Variants in MIPOL1 observed in about 807,000 individuals in gnomAD.
MIPOL1 encodes mirror-image polydactyly 1.
In MIPOL1, 57 loss-of-function variants were observed where a neutral mutation model predicts 60.9. That is an observed-to-expected ratio of 0.94 (90% CI 0.76 to 1.17). The LOEUF is 1.17. MIPOL1 is among the 50% of genes most tolerant of loss of function. MIPOL1 has a pLI of 0.00. For synonymous variants in MIPOL1, 179 were observed against 168.8 expected (o/e 1.06, Z -0.47); for missense variants, 551 against 511.6 (o/e 1.08, Z -0.74).
At chr14:37,263,186 T>C (rs576076302) in intron 3 of MIPOL1, among the ~76,000 whole-genome samples, 1 of 152,248 alleles carries the variant, frequency 6.6e-6, no homozygotes, top group Admixed American at 6.5e-5. Flanking sequence ...AATTGAGGGT[T>C]TAACAACAGC....
intron 1 of MIPOL1, among the ~76,000 whole-genome samples, chr14:37,207,106 T>TG (rs1338883411): frequency 6.6e-6 from 1 of 152,182 alleles, no homozygotes; most frequent in East Asian, 1.9e-4. Context: ...TGATATGGTT[T>TG]GGCTGTATTC....
chr14:37,426,775 C>T (rs1315043522), intron 11 of MIPOL1, among the ~76,000 whole-genome samples: 3 of 151,388 alleles, frequency 2.0e-5, no homozygotes, highest in African/African-American at 7.3e-5. Context: ...CAGTTCTGAG[C>T]ATGACCCAAA....
intron 11 of MIPOL1, among the ~76,000 whole-genome samples, chr14:37,436,810 G>A (rs1281996750): frequency 6.6e-6 from 1 of 152,142 alleles, no homozygotes; most frequent in Non-Finnish European, 1.5e-5. Flanking sequence ...CCTATAGTTA[G>A]GTATTTAAAT....
intron 11 of MIPOL1, among the ~76,000 whole-genome samples, chr14:37,472,301 G>T (rs2094699695): frequency 6.6e-6 from 1 of 152,104 alleles, no homozygotes; most frequent in South Asian, 2.1e-4. Context: ...AAGAACAATT[G>T]ATTATTTGCT....
chr14:37,407,256 A>T (rs759648331), intron 10 of MIPOL1, among the ~76,000 whole-genome samples: 1 of 152,124 alleles, frequency 6.6e-6, no homozygotes, highest in Non-Finnish European at 1.5e-5. Context: ...AGAGTAGTTA[A>T]TGCATAGATA....
chr14:37,392,228 GTCT>G (rs1462410257), intron 10 of MIPOL1, among the ~76,000 whole-genome samples: 2 of 50,760 alleles, frequency 3.9e-5, no homozygotes, highest in African/African-American at 1.3e-4. Context: ...AGTTATTTAG[GTCT>G]TCTTTGATTT....
intron 1 of MIPOL1, among the ~76,000 whole-genome samples, chr14:37,244,826 T>G (rs1451384809): frequency 1.3e-5 from 2 of 152,158 alleles, no homozygotes; most frequent in Non-Finnish European, 2.9e-5. Flanking sequence ...AATTAGTATT[T>G]TATTAGTCTT....
At chr14:37,354,177 T>A (rs900776326) in intron 9 of MIPOL1, among the ~76,000 whole-genome samples, 13 of 151,976 alleles carry the variant, frequency 8.6e-5, no homozygotes, top group African/African-American at 2.9e-4. Context: ...CAGTAGTCAT[T>A]CAGGAGCAGG....
chr14:37,361,501 T>A (rs528409181), intron 9 of MIPOL1, among the ~76,000 whole-genome samples: 2 of 152,192 alleles, frequency 1.3e-5, no homozygotes, highest in South Asian at 4.2e-4. Flanking sequence ...GCTTTATGAA[T>A]CTGGGTGTTC....
intron 11 of MIPOL1, among the ~76,000 whole-genome samples, chr14:37,448,799 G>C (rs975534200): frequency 6.6e-6 from 1 of 152,106 alleles, no homozygotes; most frequent in Non-Finnish European, 1.5e-5. Flanking sequence ...AAACAAAACA[G>C]AATCTCAAAT....
At chr14:37,473,247 C>T (rs1213317532) in intron 11 of MIPOL1, among the ~76,000 whole-genome samples, 1 of 152,150 alleles carries the variant, frequency 6.6e-6, no homozygotes, top group Admixed American at 6.6e-5. Flanking sequence ...CTTCCTTTCT[C>T]ACCATGTGAT....
intron 12 of MIPOL1, among the ~76,000 whole-genome samples, chr14:37,517,616 A>G (rs543910151): frequency 1.3e-5 from 2 of 152,318 alleles, no homozygotes; most frequent in African/African-American, 4.8e-5. Flanking sequence ...TGTTTTTAAT[A>G]GCAAATAAAA....
intron 10 of MIPOL1, among the ~76,000 whole-genome samples, chr14:37,383,475 C>T (rs963911627): frequency 1.3e-4 from 19 of 151,802 alleles, no homozygotes; most frequent in African/African-American, 4.1e-4. Flanking sequence ...AAGTCATGAT[C>T]ACAGCCATCA....
At chr14:37,292,127 G>T (rs1405073885) in intron 7 of MIPOL1, among the ~76,000 whole-genome samples, 3 of 151,482 alleles carry the variant, frequency 2.0e-5, no homozygotes, top group Admixed American at 6.6e-5. Flanking sequence ...GGGTTTCGCT[G>T]TATTAGCCAG....
intron 10 of MIPOL1, chr14:37,400,170 G>C: frequency 6.6e-6 from 1 of 152,174 alleles, no homozygotes; most frequent in Non-Finnish European, 1.5e-5. Context: ...CTTGGAGGCT[G>C]TTAAAGTATT....
chr14:37,251,258 G>A (rs1358151113), intron 3 of MIPOL1, among the ~76,000 whole-genome samples: 1 of 151,760 alleles, frequency 6.6e-6, no homozygotes, highest in Non-Finnish European at 1.5e-5. Flanking sequence ...AGGGGTTGGG[G>A]GGTCTCACTA....
In MIPOL1 at chr14:37,452,158, A is replaced by T. The variant is rs536685135; in HGVS notation, c.1031+29209A>T. 1.5e-4 allele frequency among the ~76,000 whole-genome samples: 23 copies of T among 152,162 alleles called. No individual in the cohort carries two copies. The East Asian group carries it at 4.1e-3, about 27-fold the overall frequency. On this transcript the variant is annotated intron_variant, in intron 11 of 12. Transcript: ENST00000684589. The stretch of plus-strand genomic sequence containing the variant: ...AGCACTTGACCATTAAAGATTTGAG[A>T]TGAAAAGAAAGAGATATGGCTACTA...
intron 9 of MIPOL1, among the ~76,000 whole-genome samples, chr14:37,311,442 T>G (rs1397430790): frequency 6.6e-6 from 1 of 152,206 alleles, no homozygotes; most frequent in East Asian, 1.9e-4. Context: ...CAAGTTGTTA[T>G]GTATAAATAC....
chr14:37,364,605 A>G (rs987102169), intron 9 of MIPOL1, among the ~76,000 whole-genome samples: 9 of 152,118 alleles, frequency 5.9e-5, no homozygotes, highest in Non-Finnish European at 1.2e-4. Flanking sequence ...TGTCAGAACC[A>G]TACTGTTTTG....
Sources: allele counts gnomAD v4.1 joint callset (sites outside exome capture counted in the v4.1 genomes callset), GRCh38; gene constraint gnomAD v4.1.1; transcripts MANE v1.5; gene names NCBI Gene and HGNC (gene_info 2026-07-23, HGNC 2026-07-21).